PPFIBP2: variants seen among roughly 807,000 people sequenced by gnomAD.
PPFIBP2 encodes liprin-beta-2.
In PPFIBP2, 118 loss-of-function variants were observed where a neutral mutation model predicts 118.3. The ratio of observed to expected loss-of-function variants is 1.00; its 90% CI spans 0.86 to 1.16. The LOEUF (loss-of-function observed/expected upper bound fraction) is 1.16. Among genes scored for constraint, PPFIBP2 ranks in the 50% most tolerant of loss-of-function variants. PPFIBP2 has a pLI of 0.00. For synonymous variants in PPFIBP2, 414 were observed against 397.4 expected (o/e 1.04, Z -0.50); for missense variants, 1,195 against 1,073.1 (o/e 1.11, Z -1.59).
At chr11:7,526,640 G>C (rs907343495) in intron 1 of PPFIBP2, among the ~76,000 whole-genome samples, 1 of 152,104 alleles carries the variant, frequency 6.6e-6, no homozygotes, top group Non-Finnish European at 1.5e-5. Flanking sequence ...GGGAGGCCGA[G>C]GGTGGGCAGA....
intron 17 of PPFIBP2, among the ~76,000 whole-genome samples, chr11:7,645,223 G>C (rs1852882812): frequency 6.6e-6 from 1 of 151,940 alleles, no homozygotes; most frequent in South Asian, 2.1e-4. Flanking sequence ...TTTGGGTTTA[G>C]GGGGGTATGT....
At chr11:7,562,355 C>G (rs1332828875) in intron 2 of PPFIBP2, among the ~76,000 whole-genome samples, 2 of 152,200 alleles carry the variant, frequency 1.3e-5, no homozygotes, top group Admixed American at 1.3e-4. Flanking sequence ...ATGGACTTTT[C>G]CATAGGGATG....
rs182273166 is a variant in PPFIBP2 at position 7,631,592 on chromosome 11, A to G, written c.1068+564A>G. Among the ~76,000 whole-genome samples the G allele has an allele frequency of 3.0e-3, 458 of 152,278 alleles. 2 individuals carry two copies. The highest frequency in any genetic ancestry group is 0.011 in the African/African-American group (442 of 41,570). On this transcript the variant is annotated intron_variant, in intron 11 of 23. Transcript: ENST00000299492. ...GTATGAATCTCTCTAGACTTAAGCT[A>G]GATACAAATAAACAAATAAACAAGA... is the stretch of plus-strand genomic sequence containing the variant.
At chr11:7,592,599 T>A (rs943395096) in intron 3 of PPFIBP2, among the ~76,000 whole-genome samples, 3 of 152,136 alleles carry the variant, frequency 2.0e-5, no homozygotes, top group African/African-American at 7.2e-5. Context: ...GGCCTTGTAG[T>A]TGACATCCTC....
intron 4 of PPFIBP2, 160 bp from the exon 5 acceptor site, chr11:7,597,400 G>A (rs1435273777): frequency 1.4e-5 from 21 of 1,538,452 alleles, no homozygotes; most frequent in Middle Eastern, 1.7e-4. Context: ...AGCTGCCTTC[G>A]TTCAGGACAC....
At chr11:7,574,754 T>C (rs970940698) in intron 3 of PPFIBP2, among the ~76,000 whole-genome samples, 1 of 152,146 alleles carries the variant, frequency 6.6e-6, no homozygotes, top group African/African-American at 2.4e-5. Context: ...CCTTAGCTTC[T>C]GAATCCATCC....
chr11:7,629,645 C>A (rs1850497691), intron 10 of PPFIBP2, 111 bp downstream of exon 10: 3 of 1,041,930 alleles, frequency 2.9e-6, no homozygotes, highest in Admixed American at 3.7e-5. Flanking sequence ...AGAGAAGACT[C>A]CCTACTGGAG....
At chr11:7,657,414 A>T (rs1346440161), downstream of PPFIBP2, among the ~76,000 whole-genome samples, 1 of 152,110 alleles carries the variant, frequency 6.6e-6, no homozygotes, top group African/African-American at 2.4e-5. Context: ...TGCGACTCCC[A>T]GCTTGGAGCA....
intron 13 of PPFIBP2, 58 bp from the exon 14 acceptor site, chr11:7,635,494 G>A: frequency 6.6e-7 from 1 of 1,522,056 alleles, no homozygotes; most frequent in Non-Finnish European, 9.1e-7. Flanking sequence ...GTTGCTGTTT[G>A]TGAATAACAC....
downstream of PPFIBP2, among the ~76,000 whole-genome samples, chr11:7,655,231 T>C (rs906609405): frequency 6.6e-5 from 10 of 152,206 alleles, no homozygotes; most frequent in African/African-American, 9.6e-5. Flanking sequence ...GTGTGGGACA[T>C]TGATGCCTTT....
chr11:7,626,131 TAGA>T (rs778015818), intron 8 of PPFIBP2, among the ~76,000 whole-genome samples: 15 of 152,184 alleles, frequency 9.9e-5, no homozygotes, highest in Non-Finnish European at 1.9e-4. Flanking sequence ...CTCCCCTAAC[TAGA>T]AGGTTTTTCT....
intron 1 of PPFIBP2, among the ~76,000 whole-genome samples, chr11:7,538,103 C>T (rs2134408793): frequency 6.6e-6 from 1 of 152,298 alleles, no homozygotes; most frequent in South Asian, 2.1e-4. Context: ...ACATCAGCTT[C>T]TTAGTGTTCC....
At chr11:7,642,875 CTG>C in intron 17 of PPFIBP2, among the ~76,000 whole-genome samples, 2 of 152,182 alleles carry the variant, frequency 1.3e-5, no homozygotes, top group Non-Finnish European at 2.9e-5. Context: ...CCTGCATCCC[CTG>C]CGGAAGGGAG....
At chr11:7,550,062 A>G (rs909607235) in intron 2 of PPFIBP2, among the ~76,000 whole-genome samples, 1 of 152,232 alleles carries the variant, frequency 6.6e-6, no homozygotes, top group Non-Finnish European at 1.5e-5. Flanking sequence ...TATTTGCATT[A>G]GCCAGTAGGG....
At chr11:7,553,667 A>T (rs1167588604) in intron 2 of PPFIBP2, among the ~76,000 whole-genome samples, 1 of 152,184 alleles carries the variant, frequency 6.6e-6, no homozygotes, top group Non-Finnish European at 1.5e-5. Context: ...TAATAATAGT[A>T]CCTGTCTCAT....
chr11:7,632,989 G>A, intron 12 of PPFIBP2, 55 bp downstream of exon 12: 1 of 1,513,608 alleles, frequency 6.6e-7, no homozygotes, highest in Non-Finnish European at 9.2e-7. Flanking sequence ...TTGCCTTGGG[G>A]CTGCCGAAGT....
At chr11:7,586,602 A>G (rs757413631) in intron 3 of PPFIBP2, among the ~76,000 whole-genome samples, 1 of 152,210 alleles carries the variant, frequency 6.6e-6, no homozygotes, top group Non-Finnish European at 1.5e-5. Flanking sequence ...TATTGAAAGG[A>G]TGGAAAGCCT....
At chr11:7,605,618 TG>T in intron 5 of PPFIBP2, 1 of 868,774 alleles carries the variant, frequency 1.2e-6, no homozygotes, top group Non-Finnish European at 1.4e-6. Flanking sequence ...TTTTCTGCTG[TG>T]GTATGAATAC....
intron 1 of PPFIBP2, among the ~76,000 whole-genome samples, chr11:7,522,361 G>T (rs1235061505): frequency 2.0e-5 from 3 of 152,214 alleles, no homozygotes; most frequent in African/African-American, 7.2e-5. Flanking sequence ...TAGTGGAAGG[G>T]GGAAGGGAAA....
Sources: gnomAD v4.1 joint callset for allele counts (sites outside exome capture counted in the v4.1 genomes callset) on GRCh38, gnomAD v4.1.1 for gene constraint, MANE v1.5 for transcripts, NCBI Gene and HGNC (gene_info 2026-07-23, HGNC 2026-07-21) for gene names.